Variants in FKBP14 observed in about 807,000 individuals in gnomAD.
The protein encoded by FKBP14 is FKBP prolyl isomerase 14.
A neutral mutation model predicts 21.6 loss-of-function variants in FKBP14; 20 were observed. The ratio of observed to expected loss-of-function variants is 0.92; its 90% CI spans 0.65 to 1.34. FKBP14 has a LOEUF of 1.34. Among genes scored for constraint, FKBP14 ranks in the 40% most tolerant of loss-of-function variants. The probability of loss-of-function intolerance (pLI) is 0.00; values close to 1 mark genes in which losing one functional copy is unlikely to be tolerated. For synonymous variants in FKBP14, 79 were observed against 86.7 expected (o/e 0.91, Z 0.49); for missense variants, 253 against 249.0 (o/e 1.02, Z -0.11).
chr7:30,007,616 G>T (rs566717293), downstream of FKBP14, among the ~76,000 whole-genome samples: 5 of 152,236 alleles, frequency 3.3e-5, no homozygotes, highest in African/African-American at 1.2e-4. Context: ...AATGCTTTCT[G>T]GAATACATAA....
At chr7:30,025,013 C>A (rs543602218) in intron 1 of FKBP14, among the ~76,000 whole-genome samples, 28 of 152,318 alleles carry the variant, frequency 1.8e-4, no homozygotes, top group African/African-American at 6.7e-4. Context: ...TAAGGCAAGC[C>A]ATTTTTCTGG....
At chr7:30,015,294 T>C (rs1445200815) in intron 3 of FKBP14, among the ~76,000 whole-genome samples, 2 of 152,074 alleles carry the variant, frequency 1.3e-5, no homozygotes, top group African/African-American at 4.8e-5. Context: ...GGCATGCGTC[T>C]GTAATCCCAG....
chr7:30,026,323 T>A lies in FKBP14; in HGVS notation c.186A>T (p.Leu62Phe). ...YEGYLEKDGS[L>F]FHSTHKHNNG... The stretch of plus-strand genomic sequence containing the variant: ...GCATAATTACTTACGTGGAGTGAAA[T>A]AAGGAGCCGTCCTTTTCTAAGTAGC... The change falls in exon 1 of 4, where the codon TTA becomes TTT. Residue 62 changes from leucine (L) to phenylalanine (F), a missense_variant. Physicochemically the swap from Leu to Phe is conservative, Grantham distance 22. Coordinates refer to ENST00000222803, the MANE Select transcript of FKBP14 (RefSeq NM_017946.4). 1 of 1,608,420 alleles carries A rather than the reference T, an allele frequency of 6.2e-7. No homozygotes were observed. The highest frequency in any genetic ancestry group is 8.5e-7 in the Non-Finnish European group (1 of 1,176,960).
At chr7:30,025,346 T>C (rs982271533) in intron 1 of FKBP14, 1 of 152,278 alleles carries the variant, frequency 6.6e-6, no homozygotes, top group African/African-American at 2.4e-5. Flanking sequence ...TTCTGTACCC[T>C]ATATCATTGC....
rs777440376 is a variant in FKBP14, at chr7:30,022,858, T to TA, written c.198-43dup. ...ACACATTAGAACTCCTTATTAACTC[T>TA]AAAAAATTTTCTTTAGTGCATTTTC... On this transcript the variant is annotated intron_variant, in intron 1 of 3. Coordinates refer to ENST00000222803, the MANE Select transcript of FKBP14 (RefSeq NM_017946.4). The TA allele has an allele frequency of 3.8e-6, 6 of 1,564,586 alleles. No homozygotes were observed. The East Asian group carries it at 1.4e-4, about 36-fold the overall frequency.
downstream of FKBP14, among the ~76,000 whole-genome samples, chr7:30,006,327 A>T (rs1045035630): frequency 6.6e-6 from 1 of 151,634 alleles, no homozygotes; most frequent in Non-Finnish European, 1.5e-5. Context: ...GGATCTCTCT[A>T]TGTTGCCCAG....
chr7:30,009,918 G>C (rs1229434949), downstream of FKBP14, among the ~76,000 whole-genome samples: 1 of 151,934 alleles, frequency 6.6e-6, no homozygotes, highest in Non-Finnish European at 1.5e-5. Flanking sequence ...AGAATCGCTT[G>C]AACCTGGGAG....
At position 30,026,536 on chromosome 7, in the gene FKBP14, A is replaced by G. The variant is rs1226101419; in HGVS notation, c.-28T>C. The G allele has an allele frequency of 5.7e-6, 9 of 1,585,360 alleles. No individual in the cohort carries two copies. Among genetic ancestry groups the G allele is most frequent in the Non-Finnish European group, 7.7e-6 (9 of 1,167,432 alleles). On this transcript the variant is annotated 5_prime_UTR_variant, in exon 1 of 4. The change abolishes the stop of an existing upstream ORF in the 5' untranslated region. Coordinates refer to ENST00000222803, the MANE Select transcript of FKBP14 (RefSeq NM_017946.4). Reference sequence around the variant, plus strand: ...TGCTGAAGCAAGGAAAGAAGTCCCTACAAAAGCAGCGAAAGGTCCCTCGAC... The same window carrying G: ...TGCTGAAGCAAGGAAAGAAGTCCCTGCAAAAGCAGCGAAAGGTCCCTCGAC...
At chr7:30,025,717 CA>C (rs1242403099) in intron 1 of FKBP14, 1 of 152,174 alleles carries the variant, frequency 6.6e-6, no homozygotes, top group Non-Finnish European at 1.5e-5. Context: ...CCTAGACTTC[CA>C]AAACCACACC....
chr7:30,006,436 AT>A (rs1253476534), downstream of FKBP14, among the ~76,000 whole-genome samples: 325 of 144,496 alleles, frequency 2.2e-3, 1 homozygote, highest in East Asian at 6.2e-3. Context: ...TAGAAGAGTC[AT>A]TTTTTTTTTT....
chr7:30,011,531 A>G lies in FKBP14; in HGVS notation c.*3204T>C, dbSNP rs1019381662. The G allele has an allele frequency of 2.1e-5, 3 of 145,122 alleles. No homozygotes were observed. The highest frequency in any genetic ancestry group is 7.6e-5 in the African/African-American group (3 of 39,334). 9.0% of individuals were successfully genotyped at this position (145,122 alleles called of 1,614,324 possible). On this transcript the variant is annotated 3_prime_UTR_variant, in exon 4 of 4. Transcript: ENST00000222803. ...GTATACCATATATATATATATACACACACCATATATATATATACTATATAT... is the reference window on the plus strand; with the variant it reads ...GTATACCATATATATATATATACACGCACCATATATATATATACTATATAT...
chr7:30,019,768 A>G (rs185031331), intron 2 of FKBP14, among the ~76,000 whole-genome samples: 226 of 152,286 alleles, frequency 1.5e-3, no homozygotes, highest in Non-Finnish European at 2.9e-3. Flanking sequence ...ATTAAACTTG[A>G]CAAATAGTAA....
At chr7:30,019,578 A>T (rs906719423) in intron 2 of FKBP14, among the ~76,000 whole-genome samples, 1 of 152,162 alleles carries the variant, frequency 6.6e-6, no homozygotes, top group Non-Finnish European at 1.5e-5. Context: ...TTCTACCACT[A>T]GAAGGCATTT....
chr7:30,012,237 TA>T lies in FKBP14; in HGVS notation c.*2497del. On this transcript the variant is annotated 3_prime_UTR_variant, in exon 4 of 4. Transcript: ENST00000222803. ...AAACCAAAAAAAAGAGCAGATAACT[TA>T]AAAACCATAACTTGTGCATATGTTT... The T allele has an allele frequency of 6.6e-6, 1 of 152,356 alleles. No individual in the cohort carries two copies. Among genetic ancestry groups the T allele is most frequent in the East Asian group, 1.9e-4 (1 of 5,192 alleles). The allele number at this position is 152,356 out of a possible 1,614,324, so 9.4% of individuals were successfully genotyped here.
intron 1 of FKBP14, among the ~76,000 whole-genome samples, chr7:30,023,486 C>A (rs1311328256): frequency 6.6e-6 from 1 of 152,160 alleles, no homozygotes. Context: ...TGCTTTTCAT[C>A]CCTAAATCCC....
At chr7:30,025,972 G>T (rs986375808) in intron 1 of FKBP14, among the ~76,000 whole-genome samples, 6 of 152,198 alleles carry the variant, frequency 3.9e-5, no homozygotes, top group Admixed American at 1.3e-4. Context: ...TTTAAGAAAT[G>T]GAGTTTGAGA....
rs1427365932 is a variant in FKBP14, at chr7:30,013,902, G to A, written c.*833C>T. 2.0e-5 allele frequency: 3 copies of A among 151,524 alleles called. No individual in the cohort carries two copies. Among genetic ancestry groups the A allele is most frequent in the Non-Finnish European group, 2.9e-5 (2 of 67,888 alleles). The allele number at this position is 151,524 out of a possible 1,614,324, so 9.4% of individuals were successfully genotyped here. A position where few individuals can be genotyped will look rare whatever the true frequency, so the allele number is the denominator to read the frequency against. ...TAACCGTGTTTCTTTTCTTTTTTTC[G>A]AGACAGAGTGTCCAGGCTGGAGGTG... On this transcript the variant is annotated 3_prime_UTR_variant, in exon 4 of 4. Transcript: ENST00000222803.
At position 30,019,096 on chromosome 7, in the gene FKBP14, A is replaced by G; in HGVS notation, c.377T>C (p.Ile126Thr). ...KGKIPPESTL[I>T]FNIDLLEIRN... ...AATCTCCAGGAGATCAATATTAAAT[A>G]TCAGTGTACTTTCTGGGGGAATTTT... The change falls in exon 3 of 4, where the codon ATA becomes ACA. Residue 126 changes from isoleucine (I) to threonine (T), a missense_variant. Physicochemically the swap from Ile to Thr is moderately conservative, Grantham distance 89 (BLOSUM62 -1). Coordinates refer to ENST00000222803, the MANE Select transcript of FKBP14 (RefSeq NM_017946.4). 1 of 1,582,886 alleles carries G rather than the reference A, an allele frequency of 6.3e-7. No individual in the cohort carries two copies. The highest frequency in any genetic ancestry group is 1.2e-5 in the South Asian group (1 of 84,936).
intron 3 of FKBP14, among the ~76,000 whole-genome samples, chr7:30,018,739 G>A (rs1789955399): frequency 6.6e-6 from 1 of 152,224 alleles, no homozygotes; most frequent in East Asian, 1.9e-4. Context: ...TAAGCATTGG[G>A]AAGAAAAAAG....
Sources: gnomAD v4.1 joint callset for allele counts (sites outside exome capture counted in the v4.1 genomes callset) on GRCh38, gnomAD v4.1.1 for gene constraint, MANE v1.5 for transcripts, NCBI Gene and HGNC (gene_info 2026-07-23, HGNC 2026-07-21) for gene names.